Variants in IGF2R observed in about 807,000 individuals in gnomAD.
The protein encoded by IGF2R is cation-independent mannose-6-phosphate receptor.
A neutral mutation model predicts 270.6 loss-of-function variants in IGF2R; 91 were observed. The observed-to-expected ratio is 0.34, with a 90% CI of 0.28 to 0.40. The LOEUF (loss-of-function observed/expected upper bound fraction) is 0.40. Among genes scored for constraint, IGF2R ranks in the 10% least tolerant of loss-of-function variants. The pLI, the probability that IGF2R is intolerant of heterozygous loss-of-function variation, is 1.00. For synonymous variants in IGF2R, 1,316 were observed against 1,258.9 expected, an observed-to-expected ratio of 1.05 and a Z score of -0.96; for missense variants, 2,805 against 3,188.3, an observed-to-expected ratio of 0.88 and a Z score of 2.90.
rs544082558 is a variant in IGF2R, at chr6:160,000,244, G to C, written c.290-8766G>C. Among the ~76,000 whole-genome samples, 5 of 152,344 alleles carry C rather than the reference G, an allele frequency of 3.3e-5. No individual in the cohort carries two copies. In the East Asian group the frequency reaches 7.7e-4, roughly 23 times the overall value. ...AGAGGTTGGATTCACAGTTCTGAAGGCTGTGTAGGAAGCATGGCTGGGGAG... is the reference window on the plus strand; with the variant it reads ...AGAGGTTGGATTCACAGTTCTGAAGCCTGTGTAGGAAGCATGGCTGGGGAG... On this transcript the variant is annotated intron_variant, in intron 2 of 47. Coordinates refer to ENST00000356956, the MANE Select transcript of IGF2R (RefSeq NM_000876.4).
Position 160,050,408 on chromosome 6 carries a change from A to T in IGF2R, c.2515-65A>T. On this transcript the variant is annotated intron_variant, in intron 18 of 47. Coordinates refer to ENST00000356956, the MANE Select transcript of IGF2R (RefSeq NM_000876.4). This position sits in a 1 kb window ranked among gnomAD's most constrained non-coding sequence, Gnocchi z 4.0. ...TGCTGCAGCTTTATAGAATGTAACC[A>T]CCACCAATAACGAATCGACTGTATC... The T allele has an allele frequency of 6.8e-7, 1 of 1,466,816 alleles. No individual in the cohort carries two copies. Among genetic ancestry groups the T allele is most frequent in the Non-Finnish European group, 9.4e-7 (1 of 1,069,436 alleles). The allele number at this position is 1,466,816 out of a possible 1,614,324, so 90.9% of individuals were successfully genotyped here. A position where few individuals can be genotyped will look rare whatever the true frequency, so the allele number is the denominator to read the frequency against.
chr6:159,984,657 C>T (rs1331160255), intron 1 of IGF2R, among the ~76,000 whole-genome samples: 3 of 152,136 alleles, frequency 2.0e-5, no homozygotes, highest in Non-Finnish European at 4.4e-5. Context: ...TTGTAGTAGG[C>T]GACACCATCT....
chr6:160,024,654 A>G lies in IGF2R; in HGVS notation c.596A>G (p.Asp199Gly), dbSNP rs148660289. The G allele has an allele frequency of 2.5e-6, 4 of 1,613,984 alleles. No individual in the cohort carries two copies. The highest frequency in any genetic ancestry group is 3.4e-6 in the Non-Finnish European group (4 of 1,180,000). Residue 199 changes from aspartate to glycine, a missense_variant, in exon 5 of 48, where the codon GAT (aspartate) becomes GGT (glycine). By Grantham distance (94) the Asp-to-Gly change is moderately conservative (BLOSUM62 -1). Around this residue, in one of 2 missense-constraint regions of IGF2R, gnomAD observed 954 missense variants for 981.1 expected, o/e 0.97. Transcript: ENST00000356956. ...LIKLSGAYLVDDSDPDTSLFI... is the reference protein window; with the variant it reads ...LIKLSGAYLVGDSDPDTSLFI... Reference sequence around the variant, plus strand: ...AAGCTTAGTGGTGCCTACTTGGTGGATGACTCCGATCCGGACACTTCTCTA... The same window carrying G: ...AAGCTTAGTGGTGCCTACTTGGTGGGTGACTCCGATCCGGACACTTCTCTA...
In IGF2R at chr6:160,085,151, G is replaced by T. The variant is rs1295763971; in HGVS notation, c.6205+20G>T. 1 of 1,610,512 alleles carries T rather than the reference G, an allele frequency of 6.2e-7. No homozygotes were observed. The highest frequency in any genetic ancestry group is 2.0e-4 in the Middle Eastern group (1 of 4,894). On this transcript the variant is annotated intron_variant, in intron 41 of 47. Transcript: ENST00000356956. The stretch of plus-strand genomic sequence containing the variant: ...TCATAGGTAAGGCCTGTGGGTCCTG[G>T]TCCTTGGTTCAAGGAGCAGCATCTG...
rs2114744153 is a variant in IGF2R, at chr6:160,102,687, G to T, written c.6995+16G>T. 1.3e-6 allele frequency: 2 copies of T among 1,574,880 alleles called. No homozygotes were observed. Among genetic ancestry groups the T allele is most frequent in the Non-Finnish European group, 1.7e-6 (2 of 1,156,536 alleles). ...AGGAGAGGAGGTAAGCGGGTGGCAG[G>T]GCGAGGTGGGGCGGGTGGATGCATG... On this transcript the variant is annotated intron_variant, in intron 46 of 47. Coordinates refer to ENST00000356956, the MANE Select transcript of IGF2R (RefSeq NM_000876.4). This position sits in a 1 kb window ranked among gnomAD's most constrained non-coding sequence, Gnocchi z 4.5.
In IGF2R at chr6:159,991,254, A is replaced by G. The variant is rs781093873; in HGVS notation, c.220A>G (p.Ile74Val). The change falls in exon 2 of 48, where the codon ATT (isoleucine) becomes GTT (valine). Residue 74 changes from isoleucine (I) to valine (V), a missense_variant. Around this residue, in one of 2 missense-constraint regions of IGF2R, gnomAD observed 954 missense variants for 981.1 expected, o/e 0.97. Transcript: ENST00000356956. ...AATCAACATCTGTGGAAGTGTGGAT[A>G]TTGTCCAGTGCGGGCCATCAAGTGC... ...YKINICGSVD[I>V]VQCGPSSAVC... is the part of the protein sequence containing the mutation. The G allele has an allele frequency of 3.3e-5, 54 of 1,613,850 alleles. No homozygotes were observed. The highest frequency in any genetic ancestry group is 4.6e-5 in the Non-Finnish European group (54 of 1,179,880).
chr6:159,997,088 C>T (rs1784064776), intron 2 of IGF2R, among the ~76,000 whole-genome samples: 2 of 152,214 alleles, frequency 1.3e-5, no homozygotes, highest in African/African-American at 4.8e-5. Flanking sequence ...GAAGCATACT[C>T]CTCCCTTGCA....
At chr6:160,075,757 G>A in intron 35 of IGF2R, 90 bp from the exon 36 acceptor site, 6 of 1,391,484 alleles carry the variant, frequency 4.3e-6, no homozygotes, top group South Asian at 1.3e-5. Context: ...ATGAGGTCTG[G>A]TTTTTGCAAT....
intron 4 of IGF2R, among the ~76,000 whole-genome samples, chr6:160,015,217 A>G (rs1357037586): frequency 6.6e-6 from 1 of 152,258 alleles, no homozygotes; most frequent in Non-Finnish European, 1.5e-5. Context: ...AGTCTAAAAG[A>G]TAAAATTTTG....
Position 160,102,714 on chromosome 6 carries a change from C to T in IGF2R, c.6995+43C>T, listed in dbSNP as rs927560942. Reference sequence around the variant, plus strand: ...CGAGGTGGGGCGGGTGGATGCATGCCTCCCATAGCTAATCTTGGGGTCAGT... The same window carrying T: ...CGAGGTGGGGCGGGTGGATGCATGCTTCCCATAGCTAATCTTGGGGTCAGT... On this transcript the variant is annotated intron_variant, in intron 46 of 47. Transcript: ENST00000356956. The surrounding 1 kb of genome is among the most constrained non-coding windows in gnomAD (Gnocchi z 4.5). The T allele has an allele frequency of 5.2e-6, 8 of 1,539,598 alleles. No individual in the cohort carries two copies. The highest frequency in any genetic ancestry group is 3.9e-5 in the Admixed American group (2 of 50,826).
At chr6:159,984,581 C>G (rs1258143634) in intron 1 of IGF2R, among the ~76,000 whole-genome samples, 3 of 152,214 alleles carry the variant, frequency 2.0e-5, no homozygotes, top group Non-Finnish European at 4.4e-5. Context: ...CTGGGGTATT[C>G]AGTGCAGCGT....
Position 160,088,124 on chromosome 6 carries a change from G to A in IGF2R, c.6297G>A (p.Thr2099=), listed in dbSNP as rs554411676. ...SSVIELTCTK[T]VGRPAFKRFD... is the part of the protein sequence containing the mutation. ...TGATAGAATTGACCTGTACAAAGAC[G>A]GTGGGCAGACCTGCATTCAAGAGGT... The change falls in exon 42 of 48, where the codon ACG becomes ACA. Residue 2099 remains threonine (T), a synonymous_variant. Coordinates refer to ENST00000356956, the MANE Select transcript of IGF2R (RefSeq NM_000876.4). 1.4e-4 allele frequency: 219 copies of A among 1,611,076 alleles called. 2 individuals carry two copies. In the South Asian group the frequency reaches 2.2e-3, roughly 16 times the overall value.
intron 45 of IGF2R, among the ~76,000 whole-genome samples, chr6:160,099,965 G>C (rs991963547): frequency 3.3e-5 from 5 of 152,202 alleles, no homozygotes; most frequent in African/African-American, 1.2e-4. Context: ...TCCTGTCTTA[G>C]TATGCATGCC....
At chr6:160,054,523 C>G (rs1221137485) in intron 19 of IGF2R, among the ~76,000 whole-genome samples, 1 of 152,210 alleles carries the variant, frequency 6.6e-6, no homozygotes, top group Non-Finnish European at 1.5e-5. Flanking sequence ...TAGGTTGATA[C>G]CAGCAGCAGA....
intron 17 of IGF2R, 105 bp downstream of exon 17, chr6:160,048,012 C>A: frequency 3.7e-6 from 3 of 801,278 alleles, no homozygotes; most frequent in Non-Finnish European, 6.5e-6. Flanking sequence ...GTGATGCTGG[C>A]TGTGGGGCTG....
At chr6:160,018,032 T>G (rs528076597) in intron 4 of IGF2R, among the ~76,000 whole-genome samples, 5 of 152,286 alleles carry the variant, frequency 3.3e-5, no homozygotes, top group African/African-American at 9.6e-5. Flanking sequence ...GTGCATGGAT[T>G]AAATGCTCCA....
rs924237996 is a variant in IGF2R at position 159,983,659 on chromosome 6, C to T, written c.150-7525C>T. 5.3e-5 allele frequency among the ~76,000 whole-genome samples: 8 copies of T among 152,176 alleles called. No homozygotes were observed. In the East Asian group the frequency reaches 7.7e-4, roughly 15 times the overall value. On this transcript the variant is annotated intron_variant, in intron 1 of 47. Coordinates refer to ENST00000356956, the MANE Select transcript of IGF2R (RefSeq NM_000876.4). ...CTTGTATTTGACTTCTGCTGCTCCC[C>T]GTTTCCTGCTGGGCCTGATGGTTTG...
Position 160,088,118 on chromosome 6 carries a change from A to C in IGF2R, c.6291A>C (p.Thr2097=), listed in dbSNP as rs540594176. The change falls in exon 42 of 48, where the codon ACA becomes ACC. Residue 2097 remains threonine (T), a synonymous_variant. Coordinates refer to ENST00000356956, the MANE Select transcript of IGF2R (RefSeq NM_000876.4). ...CCTCCGTGATAGAATTGACCTGTAC[A>C]AAGACGGTGGGCAGACCTGCATTCA... ...TASSVIELTC[T]KTVGRPAFKR... 1 of 1,613,076 alleles carries C rather than the reference A, an allele frequency of 6.2e-7. No individual in the cohort carries two copies. Among genetic ancestry groups the C allele is most frequent in the African/African-American group, 1.3e-5 (1 of 75,044 alleles).
At chr6:160,078,468 G>C in intron 37 of IGF2R, 106 bp downstream of exon 37, 1 of 1,082,350 alleles carries the variant, frequency 9.2e-7, no homozygotes, top group Non-Finnish European at 1.4e-6. Context: ...AGCTGAGAGG[G>C]TGTATGTGGC....
Sources: allele counts gnomAD v4.1 joint callset (sites outside exome capture counted in the v4.1 genomes callset), GRCh38; gene constraint gnomAD v4.1.1; regional missense constraint gnomAD v4.1.1; non-coding constraint Gnocchi (gnomAD v3.1); transcripts MANE v1.5; gene names NCBI Gene and HGNC (gene_info 2026-07-23, HGNC 2026-07-21).